Variants in CSMD3 observed in about 807,000 individuals in gnomAD.
CSMD3 encodes CUB and Sushi multiple domains 3.
In CSMD3, 177 loss-of-function variants were observed where a neutral mutation model predicts 435.2. The ratio of observed to expected loss-of-function variants is 0.41; its 90% CI spans 0.36 to 0.46. The LOEUF (loss-of-function observed/expected upper bound fraction) is 0.46, where lower values mean the gene tolerates loss of function less well. Ranked by LOEUF, CSMD3 falls within the 20% of genes least tolerant of loss-of-function variation. The pLI is 0.34. For synonymous variants in CSMD3, 1,656 were observed against 1,520.5 expected, an observed-to-expected ratio of 1.09 and a Z score of -2.07; for missense variants, 4,265 against 4,504.6, an observed-to-expected ratio of 0.95 and a Z score of 1.52.
intron 4 of CSMD3, among the ~76,000 whole-genome samples, chr8:113,136,739 G>A (rs1376063546): frequency 6.6e-6 from 1 of 151,622 alleles, no homozygotes; most frequent in Non-Finnish European, 1.5e-5. Flanking sequence ...GAGAAATAAA[G>A]GAAGATGGGT....
chr8:113,434,229 C>T (rs930155897), intron 1 of CSMD3, among the ~76,000 whole-genome samples: 6 of 152,126 alleles, frequency 3.9e-5, no homozygotes, highest in African/African-American at 1.2e-4. Flanking sequence ...CTGCCTGCCT[C>T]GGACTTCCTG....
intron 13 of CSMD3, among the ~76,000 whole-genome samples, chr8:112,730,719 G>T (rs1041480198): frequency 3.3e-5 from 5 of 152,028 alleles, no homozygotes; most frequent in African/African-American, 1.2e-4. Context: ...CTGCTTAAGA[G>T]GCCAGATCAA....
intron 27 of CSMD3, among the ~76,000 whole-genome samples, chr8:112,531,371 G>A (rs944047370): frequency 6.6e-6 from 1 of 152,022 alleles, no homozygotes. Flanking sequence ...ATCAGCAGCA[G>A]TCAGGCCATG....
chr8:112,788,539 A>C (rs906337772), intron 13 of CSMD3, among the ~76,000 whole-genome samples: 3 of 152,086 alleles, frequency 2.0e-5, no homozygotes, highest in Non-Finnish European at 4.4e-5. Flanking sequence ...TCTCCAAAAA[A>C]CACATTCTGT....
rs1049006425 is a variant in CSMD3, at chr8:112,898,019, C to T, written c.1633+23608G>A. On this transcript the variant is annotated intron_variant, in intron 10 of 70. Coordinates refer to ENST00000297405, the MANE Select transcript of CSMD3 (RefSeq NM_198123.2). ...GTATGTCCCGCTGTCTTTATATTTG[C>T]CAACCAGATTATTTGTTATACGTAT... 2.0e-5 allele frequency among the ~76,000 whole-genome samples: 3 copies of T among 151,032 alleles called. No homozygotes were observed. The East Asian group carries it at 5.9e-4, about 30-fold the overall frequency.
At position 113,019,146 on chromosome 8, in the gene CSMD3, G is replaced by A. The variant is rs769348130; in HGVS notation, c.951C>T (p.Ile317=). 6.8e-6 allele frequency: 11 copies of A among 1,612,914 alleles called. No individual in the cohort carries two copies. In the African/African-American group the frequency reaches 1.5e-4, roughly 22 times the overall value. ...LSGMNIPPPI[I]SNKNWLRLHF... ...GCAGTCTGAGCCAGTTTTTGTTGCT[G>A]ATAATTGGTGGTGGTATATTCATTC... The change falls in exon 6 of 71, where the codon ATC becomes ATT. Residue 317 remains isoleucine (I), a synonymous_variant. Coordinates refer to ENST00000297405, the MANE Select transcript of CSMD3 (RefSeq NM_198123.2).
chr8:112,437,728 T>C lies in CSMD3; in HGVS notation c.5396-28696A>G, dbSNP rs549332384. On this transcript the variant is annotated intron_variant, in intron 32 of 70. Transcript: ENST00000297405. The stretch of plus-strand genomic sequence containing the variant: ...AAAACAATAGTACAATTGGTAGCTT[T>C]CCAGTAATTTTTAATGTTAATTCTT... Among the ~76,000 whole-genome samples the C allele has an allele frequency of 7.2e-5, 11 of 152,246 alleles. No individual in the cohort carries two copies. The East Asian group carries it at 1.9e-3, about 27-fold the overall frequency.
At position 112,800,122 on chromosome 8, in the gene CSMD3, G is replaced by T. The variant is rs1383549203; in HGVS notation, c.1972+40C>A. 4.0e-6 allele frequency: 5 copies of T among 1,264,558 alleles called. No homozygotes were observed. The Admixed American group carries it at 8.4e-5, about 21-fold the overall frequency. The allele number at this position is 1,264,558 out of a possible 1,614,324, so 78.3% of individuals were successfully genotyped here. A position where few individuals can be genotyped will look rare whatever the true frequency, so the allele number is the denominator to read the frequency against. ...GTGAATTTAAAAATATTCTCTGGTG[G>T]TATTAAGATAACATTTCCTATGTAG... On this transcript the variant is annotated intron_variant, in intron 13 of 70. Coordinates refer to ENST00000297405, the MANE Select transcript of CSMD3 (RefSeq NM_198123.2).
intron 13 of CSMD3, among the ~76,000 whole-genome samples, chr8:112,790,304 G>C (rs1356555448): frequency 6.6e-6 from 1 of 151,590 alleles, no homozygotes; most frequent in African/African-American, 2.4e-5. Flanking sequence ...TTCTACAAAT[G>C]GTAGGATTTT....
intron 13 of CSMD3, among the ~76,000 whole-genome samples, chr8:112,770,597 T>C (rs986694208): frequency 3.9e-5 from 6 of 152,030 alleles, no homozygotes; most frequent in African/African-American, 7.2e-5. Context: ...TAAAATGTAC[T>C]GAAAATATTA....
chr8:113,010,902 C>T (rs545600573), intron 6 of CSMD3, among the ~76,000 whole-genome samples: 1 of 151,492 alleles, frequency 6.6e-6, no homozygotes, highest in Non-Finnish European at 1.5e-5. Context: ...ATAAGGGATT[C>T]TCTAATCTTC....
intron 12 of CSMD3, among the ~76,000 whole-genome samples, chr8:112,827,501 G>A (rs115054955): frequency 0.02 from 2,985 of 151,998 alleles, 95 homozygotes; most frequent in African/African-American, 0.068. Flanking sequence ...GGAGAAAAAG[G>A]AAAAGATATC....
chr8:113,007,941 C>A (rs921975467), intron 6 of CSMD3, among the ~76,000 whole-genome samples: 3 of 151,516 alleles, frequency 2.0e-5, no homozygotes, highest in East Asian at 1.9e-4. Context: ...ACTATTAACC[C>A]CCTTATGTAA....
At chr8:113,310,649 G>T (rs1019100411) in intron 2 of CSMD3, 4 of 151,788 alleles carry the variant, frequency 2.6e-5, no homozygotes, top group Admixed American at 1.3e-4. Flanking sequence ...GTAAGTCTGG[G>T]AAGACTGAGA....
intron 59 of CSMD3, among the ~76,000 whole-genome samples, chr8:112,277,880 T>C (rs1371525091): frequency 6.6e-6 from 1 of 152,064 alleles, no homozygotes; most frequent in Non-Finnish European, 1.5e-5. Flanking sequence ...TGGGGGAAAC[T>C]GCCCCATGAT....
At chr8:113,392,810 C>T (rs1358096560) in intron 1 of CSMD3, among the ~76,000 whole-genome samples, 1 of 151,776 alleles carries the variant, frequency 6.6e-6, no homozygotes, top group Admixed American at 6.6e-5. Flanking sequence ...CTTCAATGGT[C>T]ATCACTAAGA....
chr8:112,245,984 A>G (rs1412852049), intron 64 of CSMD3, among the ~76,000 whole-genome samples: 1 of 152,200 alleles, frequency 6.6e-6, no homozygotes, highest in Non-Finnish European at 1.5e-5. Flanking sequence ...CTTCACAGTG[A>G]CAGACGCTGT....
intron 1 of CSMD3, among the ~76,000 whole-genome samples, chr8:113,333,911 C>G (rs1006562197): frequency 5.9e-5 from 9 of 151,834 alleles, no homozygotes; most frequent in Admixed American, 3.3e-4. Context: ...CTCAGCATGT[C>G]TCTCCATTTA....
At chr8:112,966,213 A>C (rs1036333154) in intron 7 of CSMD3, among the ~76,000 whole-genome samples, 1 of 151,736 alleles carries the variant, frequency 6.6e-6, no homozygotes, top group African/African-American at 2.4e-5. Context: ...TAATTCTATA[A>C]GAATTATACA....
Sources: gnomAD v4.1 joint callset for allele counts (sites outside exome capture counted in the v4.1 genomes callset) on GRCh38, gnomAD v4.1.1 for gene constraint, MANE v1.5 for transcripts, NCBI Gene and HGNC (gene_info 2026-07-23, HGNC 2026-07-21) for gene names.